ATP6V1D: variants seen among roughly 807,000 people sequenced by gnomAD.
ATP6V1D encodes ATPase H+ transporting V1 subunit D, also known as V-type proton ATPase subunit D.
A neutral mutation model predicts 39.4 loss-of-function variants in ATP6V1D; 20 were observed. The observed-to-expected ratio is 0.51, with a 90% CI of 0.36 to 0.74. The LOEUF (loss-of-function observed/expected upper bound fraction) is 0.74, where lower values mean the gene tolerates loss of function less well. Among genes scored for constraint, ATP6V1D ranks in the 30% least tolerant of loss-of-function variants. The pLI, the probability that ATP6V1D is intolerant of heterozygous loss-of-function variation, is 0.00. For missense variants in ATP6V1D, 228 were observed against 291.6 expected (o/e 0.78, Z 1.59); for synonymous variants, 100 against 100.5 (o/e 0.99, Z 0.03).
At chr14:67,357,573 T>C (rs10149615) in intron 1 of ATP6V1D, among the ~76,000 whole-genome samples, 47,398 of 152,146 alleles carry the variant, frequency 0.31, 11,307 homozygotes, top group African/African-American at 0.64. Flanking sequence ...AGTAAAAGTT[T>C]CAAAGTAAAA....
intron 1 of ATP6V1D, among the ~76,000 whole-genome samples, chr14:67,356,375 C>T (rs2085684840): frequency 6.6e-6 from 1 of 150,720 alleles, no homozygotes. Context: ...GAGCCAAGAT[C>T]GGGTCACTGC....
intron 1 of ATP6V1D, among the ~76,000 whole-genome samples, chr14:67,358,341 AT>A (rs1314635500): frequency 6.6e-6 from 1 of 152,186 alleles, no homozygotes; most frequent in Non-Finnish European, 1.5e-5. Context: ...TAAAAACTTC[AT>A]TTCATTAAGA....
chr14:67,359,707 T>C lies in ATP6V1D; in HGVS notation c.-9A>G, dbSNP rs747759840. On this transcript the variant is annotated 5_prime_UTR_variant, in exon 1 of 9. Transcript: ENST00000216442. ...CGGTCTTTGCCCGACATTCTGACGA[T>C]AACTTTTCGGCTCGGGTCCCCGGCC... 8.7e-6 allele frequency: 14 copies of C among 1,613,720 alleles called. No individual in the cohort carries two copies. The South Asian group carries it at 1.3e-4, about 15-fold the overall frequency.
intron 1 of ATP6V1D, 147 bp downstream of exon 1, chr14:67,359,511 G>T: frequency 1.2e-6 from 1 of 843,424 alleles, no homozygotes; most frequent in Non-Finnish European, 1.8e-6. Flanking sequence ...CCGTCAGGAA[G>T]CCTCGCCCTA....
intron 2 of ATP6V1D, among the ~76,000 whole-genome samples, chr14:67,351,289 C>T (rs951319049): frequency 9.9e-5 from 15 of 151,982 alleles, no homozygotes; most frequent in Admixed American, 2.0e-4. Context: ...CTATACAGTA[C>T]AAAATGATAA....
chr14:67,338,511 C>G lies in ATP6V1D; in HGVS notation c.*110G>C, dbSNP rs2085556270. 1 of 1,192,278 alleles carries G rather than the reference C, an allele frequency of 8.4e-7. No individual in the cohort carries two copies. The highest frequency in any genetic ancestry group is 2.6e-5 in the Admixed American group (1 of 38,136). The allele number at this position is 1,192,278 out of a possible 1,614,324, so 73.9% of individuals were successfully genotyped here. A position where few individuals can be genotyped will look rare whatever the true frequency, so the allele number is the denominator to read the frequency against. ...TAGACATCTAGGTAAATTTTACAAC[C>G]AGTGAAATTCTTAGGCCAAAAAATA... On this transcript the variant is annotated 3_prime_UTR_variant, in exon 9 of 9. Coordinates refer to ENST00000216442, the MANE Select transcript of ATP6V1D (RefSeq NM_015994.4).
chr14:67,358,564 G>A (rs1296199519), intron 1 of ATP6V1D, among the ~76,000 whole-genome samples: 1 of 152,110 alleles, frequency 6.6e-6, no homozygotes, highest in Non-Finnish European at 1.5e-5. Context: ...GCCAGGCGCG[G>A]TGGCTCCCAT....
chr14:67,338,767 A>C lies in ATP6V1D; in HGVS notation c.603-5T>G, dbSNP rs2085557885. The C allele has an allele frequency of 1.9e-6, 3 of 1,609,452 alleles. No homozygotes were observed. Among genetic ancestry groups the C allele is most frequent in the African/African-American group, 2.7e-5 (2 of 74,702 alleles). On this transcript the variant is annotated splice_region_variant and splice_polypyrimidine_tract_variant and intron_variant, in intron 8 of 8. Coordinates refer to ENST00000216442, the MANE Select transcript of ATP6V1D (RefSeq NM_015994.4). Reference sequence around the variant, plus strand: ...TTCTCTTGTATTTTCTTTAACCTGTAAAATACAGGTGGGGGTGGATTTTTT... The same window carrying C: ...TTCTCTTGTATTTTCTTTAACCTGTCAAATACAGGTGGGGGTGGATTTTTT...
In ATP6V1D at chr14:67,338,657, C is replaced by G; in HGVS notation, c.708G>C (p.Leu236=). ...GAAGATCCTCGTCCTTCTCTTCAGCCAGAAGATTAGCAGGCTCCAACACCT... is the reference window on the plus strand; with the variant it reads ...GAAGATCCTCGTCCTTCTCTTCAGCGAGAAGATTAGCAGGCTCCAACACCT... The part of the protein sequence containing the change: ...AGEVLEPANL[L]AEEKDEDLLF... The change falls in exon 9 of 9, where the codon CTG becomes CTC. Residue 236 remains leucine (L), a synonymous_variant. Transcript: ENST00000216442. 1 of 1,614,100 alleles carries G rather than the reference C, an allele frequency of 6.2e-7. No individual in the cohort carries two copies. Among genetic ancestry groups the G allele is most frequent in the Non-Finnish European group, 8.5e-7 (1 of 1,179,986 alleles).
intron 7 of ATP6V1D, among the ~76,000 whole-genome samples, chr14:67,342,513 A>G (rs2085592703): frequency 6.7e-6 from 1 of 149,796 alleles, no homozygotes; most frequent in African/African-American, 2.4e-5. Context: ...TTACCTGTTC[A>G]GCTTCTAGAA....
Position 67,359,686 on chromosome 14 carries a change from C to T in ATP6V1D, c.13G>A (p.Asp5Asn). 6.2e-7 allele frequency: 1 copy of T among 1,614,064 alleles called. No individual in the cohort carries two copies. The highest frequency in any genetic ancestry group is 1.1e-5 in the South Asian group (1 of 91,076). The change falls in exon 1 of 9, where the codon GAC becomes AAC. Residue 5 changes from aspartate (D) to asparagine (N), a missense_variant. By Grantham distance (23) the Asp-to-Asn change is conservative. Around this residue, in one of 3 missense-constraint regions of ATP6V1D, gnomAD observed 104 missense variants for 120.2 expected, o/e 0.87. Transcript: ENST00000216442. MSGK[D>N]RIEIFPSRMA... ...CGCGAGGGAAAGATTTCAATTCGGT[C>T]TTTGCCCGACATTCTGACGATAACT...
At chr14:67,348,396 G>A (rs1414140083) in intron 4 of ATP6V1D, among the ~76,000 whole-genome samples, 3 of 151,924 alleles carry the variant, frequency 2.0e-5, no homozygotes, top group East Asian at 1.9e-4. Flanking sequence ...TGGTAAAGAT[G>A]GGGTTTCACC....
intron 5 of ATP6V1D, 130 bp downstream of exon 5, chr14:67,347,279 A>C (rs1034906906): frequency 1.4e-6 from 1 of 721,550 alleles, no homozygotes; most frequent in East Asian, 2.7e-5. Flanking sequence ...TGTCCTGACT[A>C]TATCAAATAA....
intron 8 of ATP6V1D, chr14:67,340,032 C>CAAAAAAAAAAAAAAAAAAAAAAAAAAA (rs34358102): frequency 1.4e-5 from 1 of 71,698 alleles, no homozygotes. Flanking sequence ...CTCTGTCTCA[C>CAAAAAAAAAAAAAAAAAAAAAAAAAAA]AAAAAAAAAA....
At chr14:67,347,523 C>T (rs1019021647) in intron 4 of ATP6V1D, 70 bp from the exon 5 acceptor site, 58 of 1,227,016 alleles carry the variant, frequency 4.7e-5, no homozygotes, top group South Asian at 7.1e-5. Context: ...TTTTCTGAGA[C>T]GGAGTTTTGC....
intron 1 of ATP6V1D, chr14:67,353,870 C>G (rs1566602959): frequency 6.6e-6 from 1 of 152,130 alleles, no homozygotes; most frequent in Non-Finnish European, 1.5e-5. Flanking sequence ...CTTGCTGCAG[C>G]CTCTAACTCC....
chr14:67,355,881 T>C (rs570265321), intron 1 of ATP6V1D, among the ~76,000 whole-genome samples: 4 of 151,028 alleles, frequency 2.6e-5, no homozygotes, highest in Non-Finnish European at 4.4e-5. Flanking sequence ...ACACCGGTAA[T>C]CCCATATACA....
chr14:67,343,898 G>A (rs569024363), intron 6 of ATP6V1D, among the ~76,000 whole-genome samples: 1 of 152,116 alleles, frequency 6.6e-6, no homozygotes, highest in Non-Finnish European at 1.5e-5. Context: ...GATTTCCATA[G>A]GGCTAACACT....
At chr14:67,342,201 TAAATA>T (rs2085589343) in intron 7 of ATP6V1D, among the ~76,000 whole-genome samples, 1 of 139,696 alleles carries the variant, frequency 7.2e-6, no homozygotes, top group Non-Finnish European at 1.5e-5. Flanking sequence ...AATAAATAAA[TAAATA>T]AATAAATAAA....
Sources: allele counts gnomAD v4.1 joint callset (sites outside exome capture counted in the v4.1 genomes callset), GRCh38; gene constraint gnomAD v4.1.1; regional missense constraint gnomAD v4.1.1; transcripts MANE v1.5; gene names NCBI Gene and HGNC (gene_info 2026-07-23, HGNC 2026-07-21).